SEMA3E: variants seen among roughly 807,000 people sequenced by gnomAD.
The protein encoded by SEMA3E is semaphorin 3E.
Under a neutral mutation model 93.6 loss-of-function variants are expected in SEMA3E, and 49 were observed. The observed-to-expected ratio is 0.52, with a 90% CI of 0.42 to 0.66. The LOEUF (loss-of-function observed/expected upper bound fraction) is 0.66. Ranked by LOEUF, SEMA3E falls within the 30% of genes least tolerant of loss-of-function variation. SEMA3E has a pLI of 0.00. For missense variants in SEMA3E, 906 were observed against 964.8 expected, an observed-to-expected ratio of 0.94 and a Z score of 0.81; for synonymous variants, 363 against 330.7, an observed-to-expected ratio of 1.10 and a Z score of -1.06.
chr7:83,492,061 C>T (rs1790395831), intron 1 of SEMA3E, among the ~76,000 whole-genome samples: 1 of 151,852 alleles, frequency 6.6e-6, no homozygotes, highest in African/African-American at 2.4e-5. Context: ...TCAGTTATTC[C>T]AATAGTTTGC....
rs567066763 is a variant in SEMA3E, at chr7:83,366,998, A to G, written c.*588T>C. ...ATAGTGTGAATGTACTTTAATGAAT[A>G]TTTTACGAAGGGCACAAGCCTCAGA... On this transcript the variant is annotated 3_prime_UTR_variant, in exon 17 of 17. Transcript: ENST00000643230. 1.3e-5 allele frequency: 2 copies of G among 152,604 alleles called. No homozygotes were observed. Among genetic ancestry groups the G allele is most frequent in the East Asian group, 3.9e-4 (2 of 5,194 alleles). 9.5% of individuals were successfully genotyped at this position (152,604 alleles called of 1,614,324 possible).
intron 1 of SEMA3E, 126 bp from the exon 2 acceptor site, chr7:83,490,400 T>C: frequency 4.5e-6 from 4 of 891,032 alleles, no homozygotes; most frequent in Non-Finnish European, 5.3e-6. Flanking sequence ...TTATCATACA[T>C]ATACTGGCAA....
At chr7:83,552,973 T>C (rs1448435357) in intron 1 of SEMA3E, among the ~76,000 whole-genome samples, 2 of 147,028 alleles carry the variant, frequency 1.4e-5, no homozygotes, top group Admixed American at 1.3e-4. Context: ...AAGCATGTGA[T>C]CTTTGTTAGA....
chr7:83,486,990 G>T (rs1251486102), intron 2 of SEMA3E, among the ~76,000 whole-genome samples: 1 of 151,990 alleles, frequency 6.6e-6, no homozygotes, highest in Non-Finnish European at 1.5e-5. Flanking sequence ...AAGCTCAATG[G>T]CCACATATCA....
rs1794119413 is a variant in SEMA3E at position 83,648,966 on chromosome 7, G to A, written c.-424C>T. 1 of 190,652 alleles carries A rather than the reference G, an allele frequency of 5.2e-6. No homozygotes were observed. Among genetic ancestry groups the A allele is most frequent in the Non-Finnish European group, 1.1e-5 (1 of 91,012 alleles). 11.8% of individuals were successfully genotyped at this position (190,652 alleles called of 1,614,324 possible). ...GTGGAGGTCCTCTCTTCGGGCTCCT[G>A]GAAGCCTCTCAGAAGTCAGCCTCTT... On this transcript the variant is annotated 5_prime_UTR_variant, in exon 1 of 17. Transcript: ENST00000643230.
At chr7:83,617,541 A>C (rs1793403022) in intron 1 of SEMA3E, among the ~76,000 whole-genome samples, 1 of 145,860 alleles carries the variant, frequency 6.9e-6, no homozygotes, top group Non-Finnish European at 1.5e-5. Context: ...ATTTTATATA[A>C]GTAATATATA....
chr7:83,543,396 A>T (rs10429107), intron 1 of SEMA3E, among the ~76,000 whole-genome samples: 33,370 of 151,730 alleles, frequency 0.22, 3,854 homozygotes, highest in East Asian at 0.39. Context: ...CCAAATTTGC[A>T]AGGGTTGCAA....
chr7:83,555,353 G>A (rs1221093881), intron 1 of SEMA3E, among the ~76,000 whole-genome samples: 2 of 152,138 alleles, frequency 1.3e-5, no homozygotes, highest in African/African-American at 4.8e-5. Context: ...GTGAATTGAT[G>A]TGTTACTTTT....
intron 4 of SEMA3E, among the ~76,000 whole-genome samples, chr7:83,428,008 T>C (rs751644568): frequency 2.0e-5 from 3 of 152,246 alleles, no homozygotes; most frequent in Non-Finnish European, 4.4e-5. Context: ...AATTTTTCAA[T>C]GGCTTCTCTT....
chr7:83,450,465 T>C (rs1378135050), intron 4 of SEMA3E, among the ~76,000 whole-genome samples: 1 of 152,194 alleles, frequency 6.6e-6, no homozygotes, highest in Non-Finnish European at 1.5e-5. Flanking sequence ...CATAGATCAA[T>C]CTCAGTATAA....
intron 15 of SEMA3E, 42 bp downstream of exon 15, chr7:83,386,941 A>G (rs1169977831): frequency 6.4e-7 from 1 of 1,558,048 alleles, no homozygotes; most frequent in Non-Finnish European, 8.8e-7. Context: ...TGTTCAATGT[A>G]TTCTCTGAGT....
intron 1 of SEMA3E, among the ~76,000 whole-genome samples, chr7:83,569,008 A>G (rs944679671): frequency 6.6e-6 from 1 of 152,136 alleles, no homozygotes; most frequent in African/African-American, 2.4e-5. Flanking sequence ...AACCTCCTAG[A>G]TCTGAAAAAT....
At chr7:83,511,405 C>T (rs929883167) in intron 1 of SEMA3E, among the ~76,000 whole-genome samples, 1 of 151,778 alleles carries the variant, frequency 6.6e-6, no homozygotes, top group Non-Finnish European at 1.5e-5. Context: ...TTTATAGTTG[C>T]CCCAATGATT....
chr7:83,573,337 C>T (rs1792325936), intron 1 of SEMA3E, among the ~76,000 whole-genome samples: 1 of 151,500 alleles, frequency 6.6e-6, no homozygotes, highest in Non-Finnish European at 1.5e-5. Flanking sequence ...TTCAACTATC[C>T]TAATATTGAA....
chr7:83,405,291 A>G (rs549510458), intron 9 of SEMA3E, among the ~76,000 whole-genome samples, 159 bp downstream of exon 9: 36 of 152,210 alleles, frequency 2.4e-4, no homozygotes, highest in Admixed American at 9.2e-4. Context: ...GTACATTTGC[A>G]AACGTTGGAA....
At chr7:83,449,109 T>TTTAC (rs1382986870) in intron 4 of SEMA3E, among the ~76,000 whole-genome samples, 10 of 151,578 alleles carry the variant, frequency 6.6e-5, no homozygotes, top group Non-Finnish European at 1.5e-4. Flanking sequence ...TATTTATTTA[T>TTTAC]TTATTTATGA....
At chr7:83,435,424 T>A (rs1248069514) in intron 4 of SEMA3E, among the ~76,000 whole-genome samples, 2 of 151,958 alleles carry the variant, frequency 1.3e-5, no homozygotes, top group African/African-American at 4.8e-5. Context: ...TGAAATCCTG[T>A]CTTTACTAAA....
At chr7:83,400,845 A>G (rs1788222295) in intron 10 of SEMA3E, among the ~76,000 whole-genome samples, 1 of 152,114 alleles carries the variant, frequency 6.6e-6, no homozygotes, top group South Asian at 2.1e-4. Flanking sequence ...GAAACAATCT[A>G]TTGTTCACAC....
In SEMA3E at chr7:83,418,408, A is replaced by C. The variant is rs772553266; in HGVS notation, c.532T>G (p.Phe178Val). ...GRCPFDPSSS[F>V]ISTLIGSELF... Reference sequence around the variant, plus strand: ...CAATTACCAATTAAAGTGGAGATGAAGGAGGAGCTGGGGTCAAAAGGACAT... The same window carrying C: ...CAATTACCAATTAAAGTGGAGATGACGGAGGAGCTGGGGTCAAAAGGACAT... Residue 178 changes from phenylalanine to valine, a missense_variant, in exon 5 of 17, where the codon TTC becomes GTC. Coordinates refer to ENST00000643230, the MANE Select transcript of SEMA3E (RefSeq NM_012431.3). The C allele has an allele frequency of 2.9e-5, 47 of 1,610,796 alleles. No individual in the cohort carries two copies. Among genetic ancestry groups the C allele is most frequent in the Non-Finnish European group, 3.9e-5 (46 of 1,178,120 alleles).
Sources: allele counts gnomAD v4.1 joint callset (sites outside exome capture counted in the v4.1 genomes callset), GRCh38; gene constraint gnomAD v4.1.1; transcripts MANE v1.5; gene names NCBI Gene and HGNC (gene_info 2026-07-23, HGNC 2026-07-21).